Variants in ART1 observed in about 807,000 individuals in gnomAD.
The protein encoded by ART1 is GPI-linked NAD(P)(+)--arginine ADP-ribosyltransferase 1.
A neutral mutation model predicts 27.0 loss-of-function variants in ART1; 29 were observed. The observed-to-expected ratio is 1.08, with a 90% CI of 0.80 to 1.47. The LOEUF is 1.47. Among genes scored for constraint, ART1 ranks in the 40% most tolerant of loss-of-function variants. ART1 has a pLI of 0.00. For missense variants in ART1, 480 were observed against 423.0 expected, an observed-to-expected ratio of 1.13 and a Z score of -1.18; for synonymous variants, 201 against 172.2, an observed-to-expected ratio of 1.17 and a Z score of -1.31.
In ART1 at chr11:3,653,149, C is replaced by G. The variant is rs941619151; in HGVS notation, c.-52-6013C>G. ...AACATCGCCCATTATCTCTCCACAC[C>G]ACCCCCAAAAATTTTCACCGTCCCA... On this transcript the variant is annotated intron_variant, in intron 1 of 4. Transcript: ENST00000250693. Among the ~76,000 whole-genome samples the G allele has an allele frequency of 4.7e-5, 7 of 148,462 alleles. No individual in the cohort carries two copies. In the South Asian group the frequency reaches 1.5e-3, roughly 32 times the overall value.
chr11:3,655,756 C>T (rs1332939562), intron 1 of ART1: 2 of 152,050 alleles, frequency 1.3e-5, no homozygotes, highest in African/African-American at 4.8e-5. Flanking sequence ...TCACAATGGT[C>T]AAAGCCTTAG....
In ART1 at chr11:3,660,332, GC is replaced by G. The variant is rs2077611535; in HGVS notation, c.814del (p.His272ThrfsTer46). The G allele has an allele frequency of 6.2e-7, 1 of 1,605,028 alleles. No individual in the cohort carries two copies. Among genetic ancestry groups the G allele is most frequent in the Non-Finnish European group, 8.5e-7 (1 of 1,179,896 alleles). ...GCATCTACCTCCGAGCCCTGGGCAA[GC>G]ACAGCACCTACAACTGCGAGTACAT... is the stretch of plus-strand genomic sequence containing the variant. ...ARIYLRALGKHSTYNCEYIKD... is the reference protein window; with the variant it reads ...ARIYLRALGKXSTYNCEYIKD... On this transcript the variant is annotated frameshift_variant, in exon 3 of 5. Coordinates refer to ENST00000250693, the MANE Select transcript of ART1 (RefSeq NM_004314.3). LOFTEE classifies it high-confidence loss of function.
chr11:3,656,002 G>A (rs187337399), intron 1 of ART1, among the ~76,000 whole-genome samples: 39 of 142,316 alleles, frequency 2.7e-4, no homozygotes, highest in African/African-American at 9.2e-4. Context: ...GTGCGATCTC[G>A]GGTCACTGCA....
chr11:3,659,690 G>A lies in ART1; in HGVS notation c.171G>A (p.Met57Ile), dbSNP rs746466114. 1.9e-6 allele frequency: 3 copies of A among 1,614,016 alleles called. No individual in the cohort carries two copies. The South Asian group carries it at 3.3e-5, about 18-fold the overall frequency. Residue 57 changes from methionine (M) to isoleucine (I), a missense_variant, in exon 3 of 5, where the codon ATG becomes ATA. Transcript: ENST00000250693. ...DDQYAGCAAA[M>I]TAALPDLNHT... ...AGTACGCTGGCTGTGCTGCTGCCAT[G>A]ACAGCTGCTCTCCCGGATCTCAACC...
intron 4 of ART1, among the ~76,000 whole-genome samples, chr11:3,662,884 AGAG>A (rs1447989163): frequency 1.3e-5 from 2 of 152,188 alleles, no homozygotes; most frequent in Non-Finnish European, 2.9e-5. Flanking sequence ...TCAAAGGTGC[AGAG>A]GAGAAGCAAC....
chr11:3,649,188 C>T (rs908219756), intron 1 of ART1, among the ~76,000 whole-genome samples: 25 of 152,090 alleles, frequency 1.6e-4, no homozygotes, highest in Admixed American at 7.9e-4. Context: ...TCCGTTCCTC[C>T]GTCTCCCTTA....
intron 1 of ART1, among the ~76,000 whole-genome samples, chr11:3,651,278 C>T (rs2077519846): frequency 2.0e-5 from 3 of 149,812 alleles, no homozygotes. Context: ...TTAGGCTCAG[C>T]AAATTACCTG....
At chr11:3,649,068 C>A (rs1327472897) in intron 1 of ART1, among the ~76,000 whole-genome samples, 3 of 152,038 alleles carry the variant, frequency 2.0e-5, no homozygotes, top group African/African-American at 7.2e-5. Flanking sequence ...CACGCCCTGA[C>A]CCCTTTCCCG....
At chr11:3,649,671 C>T (rs1377709482) in intron 1 of ART1, among the ~76,000 whole-genome samples, 8 of 152,166 alleles carry the variant, frequency 5.3e-5, no homozygotes, top group African/African-American at 1.9e-4. Flanking sequence ...CTCCTCACAC[C>T]CGGTCTGGTT....
At chr11:3,653,204 C>T (rs1000654746) in intron 1 of ART1, among the ~76,000 whole-genome samples, 1 of 148,688 alleles carries the variant, frequency 6.7e-6, no homozygotes, top group African/African-American at 2.6e-5. Flanking sequence ...TTTTATTTTT[C>T]TTATTAATAT....
At chr11:3,646,062 TG>T (rs112335146) in intron 1 of ART1, among the ~76,000 whole-genome samples, 7,662 of 151,216 alleles carry the variant, frequency 0.051, 320 homozygotes, top group South Asian at 0.13. Flanking sequence ...TTGTTTGTTT[TG>T]TTTTTTTTTT....
At chr11:3,657,191 C>T (rs758810757) in intron 1 of ART1, among the ~76,000 whole-genome samples, 3 of 152,118 alleles carry the variant, frequency 2.0e-5, no homozygotes, top group East Asian at 1.9e-4. Context: ...TGTGTGAAGG[C>T]GCATATATTC....
rs72844384 is a variant in ART1 at position 3,657,677 on chromosome 11, C to T, written c.-52-1485C>T. 7.3e-3 allele frequency among the ~76,000 whole-genome samples: 1,105 copies of T among 152,308 alleles called. 3 individuals carry two copies. The highest frequency in any genetic ancestry group is 0.015 in the Admixed American group (224 of 15,302). On this transcript the variant is annotated intron_variant, in intron 1 of 4. Transcript: ENST00000250693. The stretch of plus-strand genomic sequence containing the variant: ...TGGCAAAGATGTGGAATAAAGGGCA[C>T]TCTCATCCATTGTTGGTGGGGTGGC...
chr11:3,654,927 A>G (rs145074683), intron 1 of ART1, among the ~76,000 whole-genome samples: 8 of 152,364 alleles, frequency 5.3e-5, no homozygotes, highest in African/African-American at 1.7e-4. Context: ...TGCAGACAGA[A>G]ACAGAGCTGT....
chr11:3,650,037 T>C lies in ART1; in HGVS notation c.-53+4858T>C, dbSNP rs186031479. On this transcript the variant is annotated intron_variant, in intron 1 of 4. Coordinates refer to ENST00000250693, the MANE Select transcript of ART1 (RefSeq NM_004314.3). ...GACTTAATTAACCTCACCTTCAAGGTATACAATAATAGAATAGAGGCAGCC... is the reference window on the plus strand; with the variant it reads ...GACTTAATTAACCTCACCTTCAAGGCATACAATAATAGAATAGAGGCAGCC... 4.4e-3 allele frequency among the ~76,000 whole-genome samples: 665 copies of C among 152,278 alleles called. 6 individuals carry two copies. Among genetic ancestry groups the C allele is most frequent in the African/African-American group, 0.015 (634 of 41,548 alleles).
chr11:3,652,575 C>G (rs998275049), intron 1 of ART1, among the ~76,000 whole-genome samples: 2 of 152,162 alleles, frequency 1.3e-5, no homozygotes, highest in Non-Finnish European at 2.9e-5. Flanking sequence ...AGATACAGCC[C>G]ATTTGAGCTC....
intron 1 of ART1, among the ~76,000 whole-genome samples, chr11:3,649,810 G>C (rs1279800561): frequency 1.3e-5 from 2 of 152,132 alleles, no homozygotes; most frequent in Non-Finnish European, 2.9e-5. Flanking sequence ...CCGAATCAGA[G>C]CGTTTAGGCT....
chr11:3,648,271 G>A (rs1203613961), intron 1 of ART1, among the ~76,000 whole-genome samples: 2 of 152,148 alleles, frequency 1.3e-5, no homozygotes, highest in African/African-American at 4.8e-5. Context: ...CTCACACAAA[G>A]CCTGTTTGGT....
At chr11:3,661,490 C>CT (rs530856927) in intron 4 of ART1, 77 bp downstream of exon 4, 11,748 of 317,618 alleles carry the variant, frequency 0.037, 212 homozygotes, top group African/African-American at 0.09. Context: ...TCACCTCGAT[C>CT]TTTTTTTTTT....
Sources: allele counts gnomAD v4.1 joint callset (sites outside exome capture counted in the v4.1 genomes callset), GRCh38; gene constraint gnomAD v4.1.1; transcripts MANE v1.5; gene names NCBI Gene and HGNC (gene_info 2026-07-23, HGNC 2026-07-21).